The following GRIN2A variants were observed in gnomAD, a reference collection of about 807,000 sequenced individuals.
GRIN2A encodes the protein glutamate receptor ionotropic, NMDA 2A.
In GRIN2A, 22 loss-of-function variants were observed where a neutral mutation model predicts 113.4. That is an observed-to-expected ratio of 0.19 (90% CI 0.14 to 0.28). The LOEUF is 0.28. Ranked by LOEUF, GRIN2A falls within the 10% of genes least tolerant of loss-of-function variation. GRIN2A has a pLI of 1.00. For missense variants in GRIN2A, 1,502 were observed against 1,887.0 expected (o/e 0.80, Z 3.78); for synonymous variants, 827 against 738.4 (o/e 1.12, Z -1.94).
At chr16:9,936,107 A>G (rs2044708771) in intron 3 of GRIN2A, among the ~76,000 whole-genome samples, 1 of 152,208 alleles carries the variant, frequency 6.6e-6, no homozygotes, top group Non-Finnish European at 1.5e-5. Flanking sequence ...TTCATGCGGC[A>G]CCTCAATGAA....
intron 2 of GRIN2A, among the ~76,000 whole-genome samples, chr16:10,093,913 C>T (rs367759030): frequency 2.6e-5 from 4 of 152,238 alleles, no homozygotes; most frequent in East Asian, 3.9e-4. Context: ...AGAGAGCCCA[C>T]GTAGTGTGGT....
intron 4 of GRIN2A, among the ~76,000 whole-genome samples, chr16:9,856,369 C>T: frequency 6.6e-6 from 1 of 152,026 alleles, no homozygotes; most frequent in East Asian, 1.9e-4. Context: ...GCCTGTAATC[C>T]CAGCACTTTG....
intron 2 of GRIN2A, among the ~76,000 whole-genome samples, chr16:10,067,969 G>C (rs562601523): frequency 8.5e-5 from 13 of 152,348 alleles, no homozygotes; most frequent in African/African-American, 3.1e-4. Flanking sequence ...CTGCTACTCA[G>C]TGGCTGTGGA....
chr16:10,049,055 G>T (rs1455137429), intron 2 of GRIN2A, among the ~76,000 whole-genome samples: 1 of 152,086 alleles, frequency 6.6e-6, no homozygotes, highest in Non-Finnish European at 1.5e-5. Context: ...CCAGAGGGGA[G>T]GAAAATCTAT....
intron 2 of GRIN2A, among the ~76,000 whole-genome samples, chr16:10,145,873 T>C (rs1483324062): frequency 6.6e-6 from 1 of 152,108 alleles, no homozygotes; most frequent in Non-Finnish European, 1.5e-5. Flanking sequence ...AGTTTATAGA[T>C]CCGTAAAGTA....
chr16:10,115,606 A>G (rs1465105085), intron 2 of GRIN2A, among the ~76,000 whole-genome samples: 2 of 152,248 alleles, frequency 1.3e-5, no homozygotes, highest in Non-Finnish European at 2.9e-5. Context: ...CCAAGGCAAC[A>G]GCACCTGAAT....
intron 4 of GRIN2A, among the ~76,000 whole-genome samples, chr16:9,875,599 A>G (rs922121372): frequency 6.6e-6 from 1 of 152,228 alleles, no homozygotes; most frequent in Non-Finnish European, 1.5e-5. Flanking sequence ...AAATAATAGA[A>G]CAGAGACAAT....
intron 2 of GRIN2A, among the ~76,000 whole-genome samples, chr16:9,950,295 A>G (rs2045145993): frequency 6.6e-6 from 1 of 152,132 alleles, no homozygotes; most frequent in Non-Finnish European, 1.5e-5. Flanking sequence ...TCCCAGCTAC[A>G]TATCCTCACC....
intron 2 of GRIN2A, among the ~76,000 whole-genome samples, chr16:9,962,183 A>G (rs940522073): frequency 1.6e-4 from 24 of 152,328 alleles, no homozygotes; most frequent in Non-Finnish European, 3.1e-4. Flanking sequence ...AGGCAATACC[A>G]TTCAGGACAT....
At chr16:9,850,268 C>T (rs533384924) in intron 4 of GRIN2A, among the ~76,000 whole-genome samples, 38 of 152,144 alleles carry the variant, frequency 2.5e-4, no homozygotes, top group Non-Finnish European at 3.4e-4. Flanking sequence ...TTCAGGACCA[C>T]GGATGGCAAG....
chr16:10,071,214 A>G (rs1033797852), intron 2 of GRIN2A, among the ~76,000 whole-genome samples: 1 of 152,242 alleles, frequency 6.6e-6, no homozygotes, highest in South Asian at 2.1e-4. Flanking sequence ...AGGCTTTATA[A>G]AGGTAGAATC....
chr16:9,839,731 C>T (rs954543356), intron 7 of GRIN2A, among the ~76,000 whole-genome samples: 2 of 152,010 alleles, frequency 1.3e-5, no homozygotes, highest in Non-Finnish European at 2.9e-5. Flanking sequence ...AGCAATATAT[C>T]TATTAATTTA....
chr16:9,765,388 A>T (rs1900851083), intron 12 of GRIN2A, among the ~76,000 whole-genome samples: 1 of 152,220 alleles, frequency 6.6e-6, no homozygotes, highest in Non-Finnish European at 1.5e-5. Context: ...GTCAGCATGA[A>T]AGGATCATCC....
chr16:9,914,839 G>A (rs1166434038), intron 3 of GRIN2A, among the ~76,000 whole-genome samples: 2 of 133,880 alleles, frequency 1.5e-5, no homozygotes, highest in Non-Finnish European at 3.1e-5. Flanking sequence ...AGAGCCAACA[G>A]CAACATTCCC....
At chr16:9,854,493 T>G (rs764717470) in intron 4 of GRIN2A, among the ~76,000 whole-genome samples, 7 of 152,152 alleles carry the variant, frequency 4.6e-5, no homozygotes, top group Non-Finnish European at 8.8e-5. Flanking sequence ...TTGTCTCCAT[T>G]TCCACAGTGG....
chr16:9,832,374 T>G (rs2042512293), intron 8 of GRIN2A, among the ~76,000 whole-genome samples: 1 of 152,146 alleles, frequency 6.6e-6, no homozygotes, highest in African/African-American at 2.4e-5. Flanking sequence ...ACCCTTCAGG[T>G]CCTAGCTCAA....
chr16:9,916,305 G>C lies in GRIN2A; in HGVS notation c.1007+21654C>G, dbSNP rs1029678920. Reference sequence around the variant, plus strand: ...CCACAGATCCTCCCAACAGTCAAAAGCTTCATGACATGAGTCCTTGGAAAA... The same window carrying C: ...CCACAGATCCTCCCAACAGTCAAAACCTTCATGACATGAGTCCTTGGAAAA... On this transcript the variant is annotated intron_variant, in intron 3 of 12. Coordinates refer to ENST00000330684, the MANE Select transcript of GRIN2A (RefSeq NM_001134407.3). Among the ~76,000 whole-genome samples, 6 of 152,170 alleles carry C rather than the reference G, an allele frequency of 3.9e-5. 1 individual carries two copies. The highest frequency in any genetic ancestry group is 3.9e-4 in the Admixed American group (6 of 15,276).
Position 10,030,556 on chromosome 16 carries a change from C to T in GRIN2A, c.415-92005G>A, listed in dbSNP as rs556717891. ...ACCCACATATCCTGGAAAGGTCTCA[C>T]ACAAGGATCAGGCGTTTTCAGACAG... On this transcript the variant is annotated intron_variant, in intron 2 of 12. Coordinates refer to ENST00000330684, the MANE Select transcript of GRIN2A (RefSeq NM_001134407.3). Among the ~76,000 whole-genome samples the T allele has an allele frequency of 6.6e-5, 10 of 152,328 alleles. No homozygotes were observed. The East Asian group carries it at 1.9e-3, about 29-fold the overall frequency.
At chr16:9,994,927 C>A (rs1224773253) in intron 2 of GRIN2A, among the ~76,000 whole-genome samples, 1 of 151,990 alleles carries the variant, frequency 6.6e-6, no homozygotes, top group Non-Finnish European at 1.5e-5. Context: ...GGTTAACAAG[C>A]AAATAAATGC....
Sources: allele counts gnomAD v4.1 joint callset (sites outside exome capture counted in the v4.1 genomes callset), GRCh38; gene constraint gnomAD v4.1.1; transcripts MANE v1.5; gene names NCBI Gene and HGNC (gene_info 2026-07-23, HGNC 2026-07-21).